The following OXR1 variants were observed in gnomAD, a reference collection of about 807,000 sequenced individuals.
The protein encoded by OXR1 is oxidation resistance protein 1.
OXR1 carries 41 observed loss-of-function variants against 104.6 expected under a neutral mutation model. The observed-to-expected ratio is 0.39, with a 90% CI of 0.31 to 0.51. OXR1 has a LOEUF of 0.51. OXR1 is among the 20% of genes least tolerant of loss of function. The pLI, the probability that OXR1 is intolerant of heterozygous loss-of-function variation, is 0.77. For missense variants in OXR1, 955 were observed against 1,031.9 expected (o/e 0.93, Z 1.02); for synonymous variants, 348 against 348.4 (o/e 1.00, Z 0.01).
chr8:106,327,357 A>G lies in OXR1; in HGVS notation c.-138-32119A>G, dbSNP rs538916869. ...TTTAAAACTAATTTCATGCTTTTAA[A>G]TGTTAAATTACTATAAGGGTTTTCA... On this transcript the variant is annotated intron_variant, in intron 1 of 16. Coordinates refer to ENST00000517566, the MANE Select transcript of OXR1 (RefSeq NM_001198533.2). 3.5e-3 allele frequency among the ~76,000 whole-genome samples: 530 copies of G among 152,302 alleles called. 4 individuals carry two copies. The highest frequency in any genetic ancestry group is 0.012 in the African/African-American group (493 of 41,566).
intron 2 of OXR1, among the ~76,000 whole-genome samples, chr8:106,403,586 A>G (rs1818089259): frequency 6.6e-6 from 1 of 152,206 alleles, no homozygotes; most frequent in Non-Finnish European, 1.5e-5. Flanking sequence ...GATCACAAAT[A>G]ACAAGCCTAC....
In OXR1 at chr8:106,506,501, T is replaced by C. The variant is rs548949778; in HGVS notation, c.24-12442T>C. Among the ~76,000 whole-genome samples, 741 of 152,166 alleles carry C rather than the reference T, an allele frequency of 4.9e-3. 6 individuals carry two copies. The highest frequency in any genetic ancestry group is 0.017 in the African/African-American group (715 of 41,474). On this transcript the variant is annotated intron_variant, in intron 2 of 16. Coordinates refer to ENST00000517566, the MANE Select transcript of OXR1 (RefSeq NM_001198533.2). Reference sequence around the variant, plus strand: ...GGTGGCGGGCACCTGTAGTCCCAGCTACTCGGGAGGCTGAGGCAGGAGAAT... The same window carrying C: ...GGTGGCGGGCACCTGTAGTCCCAGCCACTCGGGAGGCTGAGGCAGGAGAAT...
intron 2 of OXR1, among the ~76,000 whole-genome samples, chr8:106,360,551 G>C (rs1816198635): frequency 6.6e-6 from 1 of 151,824 alleles, no homozygotes; most frequent in Admixed American, 6.6e-5. Context: ...TAGATTCGGA[G>C]TCATGTTTCT....
intron 1 of OXR1, among the ~76,000 whole-genome samples, chr8:106,302,679 GA>G (rs1247818856): frequency 2.0e-5 from 3 of 151,914 alleles, no homozygotes; most frequent in African/African-American, 7.3e-5. Context: ...TAATGACAGA[GA>G]AAAAAAGTTA....
intron 1 of OXR1, among the ~76,000 whole-genome samples, chr8:106,293,325 G>A (rs1360799719): frequency 2.6e-5 from 4 of 152,298 alleles, no homozygotes; most frequent in Middle Eastern, 3.4e-3. Flanking sequence ...TCGTAGACTG[G>A]AAGGCACTTC....
At chr8:106,723,574 A>G (rs1160193872) in intron 11 of OXR1, among the ~76,000 whole-genome samples, 1 of 151,508 alleles carries the variant, frequency 6.6e-6, no homozygotes, top group Non-Finnish European at 1.5e-5. Flanking sequence ...CAGGACTCTG[A>G]GGCAGGATAA....
At chr8:106,487,373 A>AT (rs1810748145) in intron 2 of OXR1, among the ~76,000 whole-genome samples, 1 of 114,126 alleles carries the variant, frequency 8.8e-6, no homozygotes, top group African/African-American at 3.0e-5. Flanking sequence ...TTATTTTTTA[A>AT]TTTTTATGGA....
At chr8:106,700,948 T>C (rs865792702) in intron 7 of OXR1, among the ~76,000 whole-genome samples, 1 of 152,174 alleles carries the variant, frequency 6.6e-6, no homozygotes, top group Non-Finnish European at 1.5e-5. Flanking sequence ...GAGAAAGTTA[T>C]GAAAGATCAG....
At chr8:106,354,952 G>T (rs1372707808) in intron 1 of OXR1, among the ~76,000 whole-genome samples, 2 of 151,832 alleles carry the variant, frequency 1.3e-5, no homozygotes, top group East Asian at 3.9e-4. Flanking sequence ...GATTATTTTG[G>T]TAAAGTATCA....
intron 2 of OXR1, among the ~76,000 whole-genome samples, chr8:106,457,713 A>G (rs1334253883): frequency 6.6e-6 from 1 of 152,200 alleles, no homozygotes; most frequent in Admixed American, 6.5e-5. Context: ...TGGTAGAAAT[A>G]TAGACAGTAA....
chr8:106,453,628 C>G (rs1369836915), intron 2 of OXR1, among the ~76,000 whole-genome samples: 1 of 152,192 alleles, frequency 6.6e-6, no homozygotes, highest in African/African-American at 2.4e-5. Context: ...ACTGCTAGAG[C>G]TAACTTCCCT....
intron 2 of OXR1, among the ~76,000 whole-genome samples, chr8:106,508,617 A>ATTTTGTGG (rs1421115737): frequency 6.6e-6 from 1 of 152,226 alleles, no homozygotes; most frequent in East Asian, 1.9e-4. Context: ...ACAAAATGTC[A>ATTTTGTGG]TTTTTACTTA....
At chr8:106,637,547 A>C (rs1299445365) in intron 3 of OXR1, among the ~76,000 whole-genome samples, 1 of 152,220 alleles carries the variant, frequency 6.6e-6, no homozygotes, top group Non-Finnish European at 1.5e-5. Flanking sequence ...GACTGAAATG[A>C]AAGTATAGAC....
At chr8:106,707,755 G>C (rs569164463) in intron 9 of OXR1, 2 of 152,930 alleles carry the variant, frequency 1.3e-5, no homozygotes, top group African/African-American at 4.8e-5. Flanking sequence ...CTAATATACT[G>C]TGCTTCTGTT....
chr8:106,271,407 ATG>A (rs1279207402), intron 1 of OXR1, among the ~76,000 whole-genome samples: 1 of 151,876 alleles, frequency 6.6e-6, no homozygotes, highest in African/African-American at 2.4e-5. Flanking sequence ...TAGGGTCTGA[ATG>A]TGTGTATTGC....
At chr8:106,540,821 C>CAA (rs1814899323) in intron 3 of OXR1, among the ~76,000 whole-genome samples, 1 of 152,130 alleles carries the variant, frequency 6.6e-6, no homozygotes, top group Admixed American at 6.5e-5. Flanking sequence ...TTGTGAAAAC[C>CAA]ATCAGATCTC....
chr8:106,622,707 G>A (rs1317908278), intron 3 of OXR1, among the ~76,000 whole-genome samples: 2 of 152,086 alleles, frequency 1.3e-5, no homozygotes, highest in African/African-American at 4.8e-5. Flanking sequence ...CCTGGCCACT[G>A]TACCTAAAAT....
intron 3 of OXR1, among the ~76,000 whole-genome samples, chr8:106,554,691 C>A (rs917922018): frequency 1.3e-5 from 2 of 152,120 alleles, no homozygotes; most frequent in Non-Finnish European, 2.9e-5. Context: ...ATGTCACCCC[C>A]AGATGTGAAA....
intron 1 of OXR1, among the ~76,000 whole-genome samples, chr8:106,317,446 G>C (rs954486153): frequency 6.6e-6 from 1 of 152,008 alleles, no homozygotes; most frequent in African/African-American, 2.4e-5. Flanking sequence ...CCAAATTTAG[G>C]CAACTATTTA....
Sources: gnomAD v4.1 joint callset for allele counts (sites outside exome capture counted in the v4.1 genomes callset) on GRCh38, gnomAD v4.1.1 for gene constraint, MANE v1.5 for transcripts, NCBI Gene and HGNC (gene_info 2026-07-23, HGNC 2026-07-21) for gene names.